Variants in BAALC observed in about 807,000 individuals in gnomAD.
BAALC encodes brain and acute leukemia cytoplasmic protein.
In BAALC, 9 loss-of-function variants were observed where a neutral mutation model predicts 15.5. The observed-to-expected ratio is 0.58, with a 90% CI of 0.35 to 1.02. BAALC has a LOEUF of 1.02. Among genes scored for constraint, BAALC ranks in the 50% least tolerant of loss-of-function variants. The pLI is 0.02. For missense variants in BAALC, 201 were observed against 192.4 expected, an observed-to-expected ratio of 1.04 and a Z score of -0.27; for synonymous variants, 80 against 74.6, an observed-to-expected ratio of 1.07 and a Z score of -0.37.
chr8:103,226,784 G>A (rs1006574569), intron 2 of BAALC, among the ~76,000 whole-genome samples: 1 of 151,966 alleles, frequency 6.6e-6, no homozygotes, highest in Non-Finnish European at 1.5e-5. Flanking sequence ...TTTTCATTTA[G>A]TGACAGTCAT....
intron 1 of BAALC, among the ~76,000 whole-genome samples, chr8:103,161,017 T>A (rs1199821468): frequency 6.6e-6 from 1 of 152,208 alleles, no homozygotes; most frequent in Non-Finnish European, 1.5e-5. Flanking sequence ...ACACTCAGTA[T>A]TAACCATCAC....
intron 1 of BAALC, among the ~76,000 whole-genome samples, chr8:103,157,953 A>C (rs1811134714): frequency 6.6e-6 from 1 of 152,256 alleles, no homozygotes; most frequent in Non-Finnish European, 1.5e-5. Context: ...TCTAAAATTA[A>C]TGAAAATTCC....
chr8:103,199,218 C>T (rs534021870), intron 1 of BAALC, among the ~76,000 whole-genome samples: 1 of 152,298 alleles, frequency 6.6e-6, no homozygotes, highest in South Asian at 2.1e-4. Flanking sequence ...CATGAATAGG[C>T]TCTGCCAATT....
rs147359601 is a variant in BAALC at position 103,204,128 on chromosome 8, A to C, written c.161-8791A>C. On this transcript the variant is annotated intron_variant, in intron 1 of 2. Transcript: ENST00000309982. ...TTATAGCCCCATCCTAGTGGGTGTG[A>C]AGTGGTATATCCTTGTGGTTTTTGA... 7.0e-3 allele frequency among the ~76,000 whole-genome samples: 1,062 copies of C among 152,274 alleles called. 13 individuals carry two copies. The highest frequency in any genetic ancestry group is 0.024 in the Middle Eastern group (7 of 294).
At chr8:103,167,501 T>C (rs1223290584) in intron 1 of BAALC, among the ~76,000 whole-genome samples, 1 of 152,194 alleles carries the variant, frequency 6.6e-6, no homozygotes, top group Non-Finnish European at 1.5e-5. Flanking sequence ...GGCTACCATA[T>C]TGGACAGCAC....
At chr8:103,217,774 G>T (rs1477560644) in intron 2 of BAALC, among the ~76,000 whole-genome samples, 1 of 152,160 alleles carries the variant, frequency 6.6e-6, no homozygotes, top group Non-Finnish European at 1.5e-5. Flanking sequence ...TCCTTGCGAG[G>T]CCTGGAAAAT....
At chr8:103,187,060 G>T (rs1811855113) in intron 1 of BAALC, among the ~76,000 whole-genome samples, 1 of 152,062 alleles carries the variant, frequency 6.6e-6, no homozygotes, top group Non-Finnish European at 1.5e-5. Flanking sequence ...TGCTACCATT[G>T]GGGGTCCTAT....
intron 1 of BAALC, chr8:103,166,125 A>G (rs1051999303): frequency 6.6e-6 from 1 of 152,608 alleles, no homozygotes; most frequent in Non-Finnish European, 1.5e-5. Context: ...GGATGAGGAC[A>G]TGTCCTTGGG....
chr8:103,220,201 G>A (rs1430649762), intron 2 of BAALC, among the ~76,000 whole-genome samples: 1 of 152,202 alleles, frequency 6.6e-6, no homozygotes, highest in Non-Finnish European at 1.5e-5. Flanking sequence ...GAAACCTGGG[G>A]CCACCATCTT....
chr8:103,195,831 AT>A (rs1359576671), intron 1 of BAALC, among the ~76,000 whole-genome samples: 1 of 152,152 alleles, frequency 6.6e-6, no homozygotes, highest in African/African-American at 2.4e-5. Context: ...CTTTCAACAA[AT>A]ATTGTTTGAG....
intron 1 of BAALC, among the ~76,000 whole-genome samples, chr8:103,178,488 TG>T (rs1193330476): frequency 3.3e-5 from 5 of 152,166 alleles, no homozygotes; most frequent in Admixed American, 6.5e-5. Flanking sequence ...ATGTTACCAT[TG>T]GGGGAAATTA....
chr8:103,213,546 A>C, intron 2 of BAALC: 1 of 155,962 alleles, frequency 6.4e-6, no homozygotes, highest in Admixed American at 6.3e-5. Flanking sequence ...GGTGGCTCTC[A>C]TAGCAGAATG....
chr8:103,168,307 T>G (rs1811393334), intron 1 of BAALC, among the ~76,000 whole-genome samples: 1 of 152,186 alleles, frequency 6.6e-6, no homozygotes, highest in Non-Finnish European at 1.5e-5. Context: ...GTCTAAGGCC[T>G]GATCTATTGA....
At chr8:103,153,555 G>A (rs1494281) in intron 1 of BAALC, among the ~76,000 whole-genome samples, 117,504 of 152,024 alleles carry the variant, frequency 0.77, 45,595 homozygotes, top group East Asian at 0.87. Flanking sequence ...TGCTGTGTAC[G>A]TGAAATGCAT....
intron 1 of BAALC, among the ~76,000 whole-genome samples, chr8:103,172,605 G>C (rs890082738): frequency 6.6e-6 from 1 of 151,798 alleles, no homozygotes; most frequent in Non-Finnish European, 1.5e-5. Flanking sequence ...ATGTTGGCCA[G>C]GCTGGTCTCA....
intron 1 of BAALC, among the ~76,000 whole-genome samples, chr8:103,152,023 C>T (rs1395729015): frequency 6.6e-6 from 1 of 152,120 alleles, no homozygotes; most frequent in Non-Finnish European, 1.5e-5. Context: ...CCGTCTTCCA[C>T]TTGAACATCT....
chr8:103,175,906 G>A (rs1442211375), intron 1 of BAALC, among the ~76,000 whole-genome samples: 1 of 152,192 alleles, frequency 6.6e-6, no homozygotes, highest in Non-Finnish European at 1.5e-5. Context: ...AGTCTCATGA[G>A]TTTAGCATCA....
chr8:103,168,511 G>GTT (rs200573493), intron 1 of BAALC, among the ~76,000 whole-genome samples: 9 of 140,548 alleles, frequency 6.4e-5, no homozygotes, highest in African/African-American at 1.5e-4. Context: ...ATATGTGTTT[G>GTT]TTTTTTTTTT....
At chr8:103,144,648 T>C (rs1810844016) in intron 1 of BAALC, among the ~76,000 whole-genome samples, 3 of 152,218 alleles carry the variant, frequency 2.0e-5, no homozygotes, top group African/African-American at 7.2e-5. Context: ...AAAAATTGCA[T>C]CCTTAAGCAC....
Sources: allele counts gnomAD v4.1 joint callset (sites outside exome capture counted in the v4.1 genomes callset), GRCh38; gene constraint gnomAD v4.1.1; transcripts MANE v1.5; gene names NCBI Gene and HGNC (gene_info 2026-07-23, HGNC 2026-07-21).